The following FGF14 variants were observed in gnomAD, a reference collection of about 807,000 sequenced individuals.
FGF14 encodes the protein fibroblast growth factor homologous factor 4.
FGF14 carries 5 observed loss-of-function variants against 25.5 expected under a neutral mutation model. The ratio of observed to expected loss-of-function variants is 0.20; its 90% CI spans 0.10 to 0.41. The LOEUF is 0.41. Ranked by LOEUF, FGF14 falls within the 10% of genes least tolerant of loss-of-function variation. The pLI, the probability that FGF14 is intolerant of heterozygous loss-of-function variation, is 1.00. For missense variants in FGF14, 222 were observed against 320.1 expected (o/e 0.69, Z 2.34); for synonymous variants, 138 against 118.3 (o/e 1.17, Z -1.08).
chr13:102,117,714 T>G (rs1312859369), intron 1 of FGF14, among the ~76,000 whole-genome samples: 1 of 152,176 alleles, frequency 6.6e-6, no homozygotes, highest in Non-Finnish European at 1.5e-5. Flanking sequence ...ATCCCAAGGA[T>G]AAGTCGTTTT....
At chr13:102,303,228 G>A (rs2055170459) in intron 1 of FGF14, among the ~76,000 whole-genome samples, 2 of 152,010 alleles carry the variant, frequency 1.3e-5, no homozygotes, top group Admixed American at 6.6e-5. Flanking sequence ...CTGTCCTCTG[G>A]GCAAATGTCA....
At chr13:102,107,168 CTATTTTTT>C (rs2044964130) in intron 1 of FGF14, among the ~76,000 whole-genome samples, 1 of 152,076 alleles carries the variant, frequency 6.6e-6, no homozygotes, top group Non-Finnish European at 1.5e-5. Context: ...ATTCCTAAAC[CTATTTTTT>C]TAAAAAAACG....
chr13:102,025,010 G>T (rs4627186), intron 1 of FGF14, among the ~76,000 whole-genome samples: 4,789 of 147,270 alleles, frequency 0.033, 246 homozygotes, highest in African/African-American at 0.12. Context: ...AACACACACA[G>T]ACATGCATAT....
At chr13:101,925,169 CAAAT>C (rs1038267319) in intron 1 of FGF14, among the ~76,000 whole-genome samples, 8 of 152,242 alleles carry the variant, frequency 5.3e-5, no homozygotes, top group African/African-American at 1.2e-4. Flanking sequence ...AAATAAATGA[CAAAT>C]AAAAATTGCC....
intron 1 of FGF14, among the ~76,000 whole-genome samples, chr13:102,131,704 T>C (rs2046203991): frequency 6.6e-6 from 1 of 150,900 alleles, no homozygotes; most frequent in Non-Finnish European, 1.5e-5. Context: ...TGCTACCTAA[T>C]TTGTTTATGT....
chr13:102,122,164 T>C (rs2045755427), intron 1 of FGF14, among the ~76,000 whole-genome samples: 1 of 152,140 alleles, frequency 6.6e-6, no homozygotes, highest in Non-Finnish European at 1.5e-5. Context: ...CCAAGAAAAA[T>C]GCCATCCAAC....
At chr13:102,161,267 T>C (rs1361834580) in intron 1 of FGF14, among the ~76,000 whole-genome samples, 1 of 151,886 alleles carries the variant, frequency 6.6e-6, no homozygotes, top group African/African-American at 2.4e-5. Context: ...AGAGCGGTTG[T>C]CAGAATTTCA....
At chr13:101,934,023 A>G (rs1566458770) in intron 1 of FGF14, among the ~76,000 whole-genome samples, 1 of 152,210 alleles carries the variant, frequency 6.6e-6, no homozygotes, top group South Asian at 2.1e-4. Flanking sequence ...GGATAAAACT[A>G]TCAACTCTTG....
chr13:101,979,625 TA>T lies in FGF14; in HGVS notation c.209-104330del, dbSNP rs553907426. Among the ~76,000 whole-genome samples, 637 of 152,174 alleles carry T rather than the reference TA, an allele frequency of 4.2e-3. 3 individuals carry two copies. The highest frequency in any genetic ancestry group is 0.015 in the African/African-American group (606 of 41,508). The stretch of plus-strand genomic sequence containing the variant: ...ATATCTAGAAGCTGGGATAGGATGG[TA>T]AAGGACTGAAGTTGAAGTAGAAAGA... On this transcript the variant is annotated intron_variant, in intron 1 of 4. Coordinates refer to the FGF14 transcript ENST00000376131.
At chr13:102,000,296 G>T (rs2039419630) in intron 1 of FGF14, among the ~76,000 whole-genome samples, 1 of 152,154 alleles carries the variant, frequency 6.6e-6, no homozygotes, top group South Asian at 2.1e-4. Flanking sequence ...TCCAGCCTGG[G>T]CGACAGAGCA....
intron 1 of FGF14, among the ~76,000 whole-genome samples, chr13:102,210,350 A>G (rs550028274): frequency 5.9e-5 from 9 of 152,248 alleles, no homozygotes; most frequent in Admixed American, 2.0e-4. Flanking sequence ...AATGAATAGC[A>G]GTAGTGAACA....
chr13:102,387,096 T>C (rs1292628171), intron 1 of FGF14, among the ~76,000 whole-genome samples: 1 of 152,216 alleles, frequency 6.6e-6, no homozygotes, highest in Non-Finnish European at 1.5e-5. Flanking sequence ...GATCCTAGTT[T>C]TAAATCAAAG....
chr13:102,345,405 T>A (rs902556682), intron 1 of FGF14, among the ~76,000 whole-genome samples: 4 of 152,314 alleles, frequency 2.6e-5, no homozygotes, highest in South Asian at 2.1e-4. Context: ...ATTCTTTTTT[T>A]AAAAAACAGT....
intron 1 of FGF14, among the ~76,000 whole-genome samples, chr13:102,223,546 G>A (rs1446439260): frequency 1.3e-5 from 2 of 152,096 alleles, no homozygotes; most frequent in Non-Finnish European, 2.9e-5. Context: ...TTTTTCCTCT[G>A]CATGGTGACA....
intron 1 of FGF14, among the ~76,000 whole-genome samples, chr13:102,085,669 A>C (rs1228502157): frequency 6.6e-6 from 1 of 152,226 alleles, no homozygotes; most frequent in African/African-American, 2.4e-5. Flanking sequence ...TATTTTTATT[A>C]AGGTGAGAAT....
chr13:102,070,437 G>A (rs2043108900), intron 1 of FGF14, among the ~76,000 whole-genome samples: 1 of 152,210 alleles, frequency 6.6e-6, no homozygotes, highest in Non-Finnish European at 1.5e-5. Flanking sequence ...TGGTGGGAAT[G>A]TGAATTACAA....
At chr13:101,824,152 C>CT (rs778341216) in intron 3 of FGF14, among the ~76,000 whole-genome samples, 31 of 151,902 alleles carry the variant, frequency 2.0e-4, no homozygotes, top group South Asian at 6.2e-4. Flanking sequence ...AGACTGACTT[C>CT]TTTTTTTTAA....
chr13:102,030,509 A>G (rs959135565), intron 1 of FGF14, among the ~76,000 whole-genome samples: 11 of 152,134 alleles, frequency 7.2e-5, no homozygotes, highest in African/African-American at 1.9e-4. Flanking sequence ...ATGAAAGAAG[A>G]CTGAAACAAA....
intron 3 of FGF14, among the ~76,000 whole-genome samples, chr13:101,824,563 A>G (rs912958344): frequency 2.6e-5 from 4 of 152,208 alleles, no homozygotes; most frequent in African/African-American, 7.2e-5. Context: ...AAGAATTGAG[A>G]TATGATTTTT....
Sources: gnomAD v4.1 joint callset for allele counts (sites outside exome capture counted in the v4.1 genomes callset) on GRCh38, gnomAD v4.1.1 for gene constraint, MANE v1.5 for transcripts, NCBI Gene and HGNC (gene_info 2026-07-23, HGNC 2026-07-21) for gene names.